HIVEP3: variants seen among roughly 807,000 people sequenced by gnomAD.
HIVEP3 encodes the protein transcription factor HIVEP3.
Under a neutral mutation model 152.8 loss-of-function variants are expected in HIVEP3, and 49 were observed. That is an observed-to-expected ratio of 0.32 (90% CI 0.26 to 0.41). HIVEP3 has a LOEUF of 0.41. HIVEP3 is among the 10% of genes least tolerant of loss of function. The probability of loss-of-function intolerance (pLI) is 1.00; values close to 1 mark genes in which losing one functional copy is unlikely to be tolerated. For missense variants in HIVEP3, 2,790 were observed against 3,103.3 expected, an observed-to-expected ratio of 0.90 and a Z score of 2.40; for synonymous variants, 1,269 against 1,289.0, an observed-to-expected ratio of 0.98 and a Z score of 0.33.
chr1:41,616,540 C>A (rs1346273327), intron 3 of HIVEP3, among the ~76,000 whole-genome samples: 2 of 151,762 alleles, frequency 1.3e-5, no homozygotes, highest in Non-Finnish European at 2.9e-5. Flanking sequence ...TCTCAGGAGG[C>A]CACTCACTGC....
intron 1 of HIVEP3, among the ~76,000 whole-genome samples, chr1:41,754,503 T>C (rs1320985307): frequency 1.3e-5 from 2 of 152,178 alleles, no homozygotes; most frequent in African/African-American, 4.8e-5. Flanking sequence ...CGTTTGGGCT[T>C]TTCTGCAGAG....
At chr1:41,696,187 C>G (rs1163086042) in intron 2 of HIVEP3, among the ~76,000 whole-genome samples, 1 of 152,226 alleles carries the variant, frequency 6.6e-6, no homozygotes, top group Non-Finnish European at 1.5e-5. Context: ...TTTCAGATGC[C>G]CCACAGCCTG....
At chr1:41,544,125 CG>C (rs1643601991) in intron 5 of HIVEP3, 1 of 152,064 alleles carries the variant, frequency 6.6e-6, no homozygotes, top group African/African-American at 2.4e-5. Context: ...TGAAGAGGAA[CG>C]TCTCTCCAGC....
At chr1:42,028,066 A>C (rs928864439) in intron 1 of HIVEP3, among the ~76,000 whole-genome samples, 1 of 152,230 alleles carries the variant, frequency 6.6e-6, no homozygotes, top group South Asian at 2.1e-4. Flanking sequence ...CACTTTATTA[A>C]GAGGCCTTCC....
chr1:41,841,758 T>G (rs1322923213), intron 1 of HIVEP3, among the ~76,000 whole-genome samples: 2 of 152,228 alleles, frequency 1.3e-5, no homozygotes, highest in East Asian at 3.8e-4. Flanking sequence ...GTGAGGTAAG[T>G]GTGCTTATGA....
At chr1:42,030,975 C>A (rs186232559) in intron 1 of HIVEP3, among the ~76,000 whole-genome samples, 236 of 152,272 alleles carry the variant, frequency 1.5e-3, no homozygotes, top group South Asian at 0.013. Context: ...GTGTTCTTCA[C>A]CATTTACTCA....
intron 1 of HIVEP3, among the ~76,000 whole-genome samples, chr1:41,951,648 G>A (rs999804146): frequency 1.3e-4 from 20 of 152,162 alleles, no homozygotes; most frequent in African/African-American, 4.6e-4. Context: ...GCAGTTCCAC[G>A]TGGCTGGGGA....
intron 1 of HIVEP3, among the ~76,000 whole-genome samples, chr1:41,825,661 G>C (rs187073546): frequency 6.6e-6 from 1 of 151,798 alleles, no homozygotes; most frequent in Non-Finnish European, 1.5e-5. Context: ...GTTGGAGTGC[G>C]GTAGTGTGAT....
intron 7 of HIVEP3, among the ~76,000 whole-genome samples, chr1:41,517,762 C>G (rs1558020266): frequency 6.6e-6 from 1 of 152,248 alleles, no homozygotes; most frequent in Non-Finnish European, 1.5e-5. Context: ...CTCCTCTGCC[C>G]TGTCTTCTCA....
Position 42,021,397 on chromosome 1 carries a change from T to C in HIVEP3, n.119+14410A>G, listed in dbSNP as rs76359819. ...AGACTCAAGGGTAACTTCTAGGTTT[T>C]TGGCCTGGGAAACTGAGTGGACAAT... On this transcript the variant is annotated intron_variant and non_coding_transcript_variant, in intron 1 of 3. Coordinates refer to the HIVEP3 transcript ENST00000489103. 7.4e-3 allele frequency among the ~76,000 whole-genome samples: 1,131 copies of C among 152,254 alleles called. 13 individuals carry two copies. The highest frequency in any genetic ancestry group is 0.026 in the African/African-American group (1,095 of 41,554).
intron 2 of HIVEP3, among the ~76,000 whole-genome samples, chr1:41,651,514 G>T (rs1645549207): frequency 6.6e-6 from 1 of 152,028 alleles, no homozygotes; most frequent in Non-Finnish European, 1.5e-5. Context: ...GTGATATGTA[G>T]GCAATGTATT....
intron 3 of HIVEP3, among the ~76,000 whole-genome samples, chr1:41,620,008 G>A (rs1287692298): frequency 6.6e-6 from 1 of 152,190 alleles, no homozygotes; most frequent in Non-Finnish European, 1.5e-5. Context: ...GCTCTGCAGG[G>A]GTTTGGGGGC....
intron 1 of HIVEP3, among the ~76,000 whole-genome samples, chr1:41,824,187 G>A (rs1185866750): frequency 1.3e-5 from 2 of 152,178 alleles, no homozygotes; most frequent in East Asian, 3.9e-4. Flanking sequence ...ACTGGTCCCA[G>A]GATACACCAA....
intron 1 of HIVEP3, among the ~76,000 whole-genome samples, chr1:41,745,813 G>GAATATAACACATCCCCTGAGA (rs1203033358): frequency 6.6e-5 from 10 of 152,324 alleles, no homozygotes; most frequent in African/African-American, 2.4e-4. Context: ...CCACCGGAGG[G>GAATATAACACATCCCCTGAGA]AATATAACAC....
chr1:41,829,939 AG>A (rs1403221286), intron 1 of HIVEP3, among the ~76,000 whole-genome samples: 1 of 152,234 alleles, frequency 6.6e-6, no homozygotes, highest in African/African-American at 2.4e-5. Flanking sequence ...TGCATGTACA[AG>A]GCAATCTTTC....
chr1:41,520,758 A>G (rs1245129740), intron 6 of HIVEP3, among the ~76,000 whole-genome samples: 1 of 152,238 alleles, frequency 6.6e-6, no homozygotes, highest in Non-Finnish European at 1.5e-5. Flanking sequence ...TGCCCTTGTC[A>G]TCGCAGGAGG....
chr1:41,711,006 A>AG (rs1177820555), intron 1 of HIVEP3, among the ~76,000 whole-genome samples: 1 of 152,228 alleles, frequency 6.6e-6, no homozygotes, highest in Non-Finnish European at 1.5e-5. Context: ...TTGGCTGGTA[A>AG]GCGGTAGTGC....
chr1:41,702,373 A>C (rs1646375869), intron 1 of HIVEP3, among the ~76,000 whole-genome samples: 4 of 152,330 alleles, frequency 2.6e-5, no homozygotes, highest in South Asian at 4.1e-4. Context: ...AAAATACCTT[A>C]TAATAGAGTT....
intron 1 of HIVEP3, among the ~76,000 whole-genome samples, chr1:41,735,904 G>C (rs1646910403): frequency 6.6e-6 from 1 of 152,138 alleles, no homozygotes; most frequent in African/African-American, 2.4e-5. Flanking sequence ...CAGGAGGGTG[G>C]GGGCTCTGGG....
Sources: gnomAD v4.1 joint callset for allele counts (sites outside exome capture counted in the v4.1 genomes callset) on GRCh38, gnomAD v4.1.1 for gene constraint, MANE v1.5 for transcripts, NCBI Gene and HGNC (gene_info 2026-07-23, HGNC 2026-07-21) for gene names.